The following ZNF385D variants were observed in gnomAD, a reference collection of about 807,000 sequenced individuals.
ZNF385D encodes zinc finger protein 659.
A neutral mutation model predicts 35.8 loss-of-function variants in ZNF385D; 15 were observed. That is an observed-to-expected ratio of 0.42 (90% CI 0.28 to 0.64). The LOEUF is 0.64. ZNF385D is among the 30% of genes least tolerant of loss of function. ZNF385D has a pLI of 0.23. For synonymous variants in ZNF385D, 212 were observed against 186.8 expected (o/e 1.13, Z -1.10); for missense variants, 474 against 494.6 (o/e 0.96, Z 0.39).
In ZNF385D at chr3:22,349,111, A is replaced by G. The variant is rs906773343; in HGVS notation, c.106+23339T>C. ...AACTCCATGTCTCCTTCTCTATACTATACCTCTCTCAAGGGTAAAAATCCC... is the reference window on the plus strand; with the variant it reads ...AACTCCATGTCTCCTTCTCTATACTGTACCTCTCTCAAGGGTAAAAATCCC... On this transcript the variant is annotated intron_variant, in intron 2 of 5. Coordinates refer to the ZNF385D transcript ENST00000494108. Among the ~76,000 whole-genome samples, 7 of 152,172 alleles carry G rather than the reference A, an allele frequency of 4.6e-5. 1 individual carries two copies. Among genetic ancestry groups the G allele is most frequent in the African/African-American group, 1.7e-4 (7 of 41,464 alleles).
chr3:21,719,598 G>C (rs562360878), intron 1 of ZNF385D, among the ~76,000 whole-genome samples: 2 of 152,148 alleles, frequency 1.3e-5, no homozygotes, highest in African/African-American at 4.8e-5. Flanking sequence ...TATGACGTAT[G>C]AACAAGCATG....
chr3:22,149,460 G>T (rs980245381), intron 3 of ZNF385D, among the ~76,000 whole-genome samples: 13 of 152,144 alleles, frequency 8.5e-5, no homozygotes, highest in Non-Finnish European at 1.3e-4. Context: ...GCATGCAACA[G>T]AATCGCCCAA....
intron 3 of ZNF385D, among the ~76,000 whole-genome samples, chr3:21,563,735 T>C (rs552006423): frequency 6.6e-6 from 1 of 152,288 alleles, no homozygotes; most frequent in East Asian, 1.9e-4. Flanking sequence ...GAGCCTTCTG[T>C]TTGCCTAGAG....
chr3:22,109,980 T>C (rs1202358238), intron 3 of ZNF385D, among the ~76,000 whole-genome samples: 1 of 152,114 alleles, frequency 6.6e-6, no homozygotes, highest in Non-Finnish European at 1.5e-5. Flanking sequence ...GGGCGAAGGA[T>C]ATGAACAGAC....
At chr3:21,492,580 C>T (rs1313277749) in intron 4 of ZNF385D, among the ~76,000 whole-genome samples, 1 of 151,268 alleles carries the variant, frequency 6.6e-6, no homozygotes, top group Non-Finnish European at 1.5e-5. Context: ...GTTAGGAGTT[C>T]GAGACTAGCC....
chr3:22,111,927 G>A (rs1164432928), intron 3 of ZNF385D, among the ~76,000 whole-genome samples: 1 of 152,070 alleles, frequency 6.6e-6, no homozygotes, highest in East Asian at 1.9e-4. Flanking sequence ...CAGTTCCAGT[G>A]CTGGCTTGTC....
At chr3:22,337,392 G>C (rs1407579588) in intron 2 of ZNF385D, among the ~76,000 whole-genome samples, 2 of 152,070 alleles carry the variant, frequency 1.3e-5, no homozygotes, top group Non-Finnish European at 2.9e-5. Context: ...AGTTTAGCTT[G>C]GCGTGGTGGC....
rs533513752 is a variant in ZNF385D at position 21,876,842 on chromosome 3, T to A, written c.326-211814A>T. Among the ~76,000 whole-genome samples the A allele has an allele frequency of 2.6e-5, 4 of 152,222 alleles. No homozygotes were observed. The East Asian group carries it at 7.7e-4, about 29-fold the overall frequency. Reference sequence around the variant, plus strand: ...AAGCTACTAAGCATTAGCTTCTGTCTAAATGTTCTTTCTTTCTCTAATTGC... The same window carrying A: ...AAGCTACTAAGCATTAGCTTCTGTCAAAATGTTCTTTCTTTCTCTAATTGC... On this transcript the variant is annotated intron_variant, in intron 3 of 5. Coordinates refer to the ZNF385D transcript ENST00000494108.
chr3:22,000,337 T>C (rs1695759449), intron 3 of ZNF385D, among the ~76,000 whole-genome samples: 1 of 151,750 alleles, frequency 6.6e-6, no homozygotes, highest in Non-Finnish European at 1.5e-5. Flanking sequence ...AGGCACATTG[T>C]AGTTAAACCG....
At chr3:21,936,173 G>C (rs995052600) in intron 3 of ZNF385D, among the ~76,000 whole-genome samples, 10 of 152,096 alleles carry the variant, frequency 6.6e-5, no homozygotes, top group Non-Finnish European at 1.5e-4. Context: ...TCAGCCCTGC[G>C]TAACTACAAG....
intron 1 of ZNF385D, among the ~76,000 whole-genome samples, chr3:21,750,187 A>T (rs1436708378): frequency 6.6e-6 from 1 of 152,228 alleles, no homozygotes; most frequent in Non-Finnish European, 1.5e-5. Context: ...CTCCAAGCCC[A>T]CTTCCAGTGC....
chr3:21,809,651 C>A (rs530090273), intron 3 of ZNF385D, among the ~76,000 whole-genome samples: 192 of 113,446 alleles, frequency 1.7e-3, no homozygotes, highest in Admixed American at 7.4e-3. Flanking sequence ...TATACATATA[C>A]ATATACATAT....
At chr3:22,050,462 A>G (rs1417713780) in intron 3 of ZNF385D, among the ~76,000 whole-genome samples, 1 of 152,214 alleles carries the variant, frequency 6.6e-6, no homozygotes, top group Non-Finnish European at 1.5e-5. Flanking sequence ...CTGTAAAATC[A>G]TCAGATCCTG....
chr3:21,955,804 T>TA (rs1157141086), intron 3 of ZNF385D, among the ~76,000 whole-genome samples: 1 of 152,134 alleles, frequency 6.6e-6, no homozygotes, highest in Non-Finnish European at 1.5e-5. Context: ...TGGCACATGC[T>TA]AAGTACTACT....
intron 2 of ZNF385D, among the ~76,000 whole-genome samples, chr3:22,255,938 G>A (rs778301534): frequency 6.6e-6 from 1 of 151,648 alleles, no homozygotes; most frequent in Non-Finnish European, 1.5e-5. Context: ...TAATATTTGA[G>A]TCAGTGGGGC....
chr3:22,122,377 T>C (rs1298706254), intron 3 of ZNF385D, among the ~76,000 whole-genome samples: 2 of 152,192 alleles, frequency 1.3e-5, no homozygotes, highest in African/African-American at 2.4e-5. Context: ...TAACTAGTTG[T>C]GGATCTCATT....
chr3:21,480,354 C>T lies in ZNF385D; in HGVS notation c.439+30507G>A, dbSNP rs569334673. 1.9e-4 allele frequency among the ~76,000 whole-genome samples: 29 copies of T among 152,236 alleles called. No individual in the cohort carries two copies. The South Asian group carries it at 5.8e-3, about 30-fold the overall frequency. ...CTGACCTCAGGTTATCCATTCGCTT[C>T]AGCCTCCCAAAGTGCTAGGATTACG... On this transcript the variant is annotated intron_variant, in intron 4 of 7. Coordinates refer to ENST00000281523, the MANE Select transcript of ZNF385D (RefSeq NM_024697.3).
intron 2 of ZNF385D, among the ~76,000 whole-genome samples, chr3:22,210,013 T>C (rs1697416296): frequency 6.6e-6 from 1 of 151,802 alleles, no homozygotes; most frequent in East Asian, 1.9e-4. Flanking sequence ...AATAGTATTA[T>C]ATTCAATATC....
At chr3:21,887,519 T>A (rs1250635363) in intron 3 of ZNF385D, among the ~76,000 whole-genome samples, 1 of 152,140 alleles carries the variant, frequency 6.6e-6, no homozygotes, top group Non-Finnish European at 1.5e-5. Flanking sequence ...TTAAACATTT[T>A]AAAAATTATT....
Sources: allele counts gnomAD v4.1 joint callset (sites outside exome capture counted in the v4.1 genomes callset), GRCh38; gene constraint gnomAD v4.1.1; transcripts MANE v1.5; gene names NCBI Gene and HGNC (gene_info 2026-07-23, HGNC 2026-07-21).